PDS5A: variants seen among roughly 807,000 people sequenced by gnomAD.
PDS5A encodes sister chromatid cohesion protein PDS5 homolog A.
PDS5A carries 42 observed loss-of-function variants against 167.1 expected under a neutral mutation model. The ratio of observed to expected loss-of-function variants is 0.25; its 90% CI spans 0.20 to 0.33. The LOEUF is 0.33. Ranked by LOEUF, PDS5A falls within the 10% of genes least tolerant of loss-of-function variation. PDS5A has a pLI of 1.00. For synonymous variants in PDS5A, 553 were observed against 554.6 expected, an observed-to-expected ratio of 1.00 and a Z score of 0.04; for missense variants, 1,033 against 1,605.9, an observed-to-expected ratio of 0.64 and a Z score of 6.10.
intron 9 of PDS5A, among the ~76,000 whole-genome samples, chr4:39,912,404 A>C (rs1204128337): frequency 6.6e-6 from 1 of 152,218 alleles, no homozygotes; most frequent in Non-Finnish European, 1.5e-5. Context: ...CCTCCCCCAT[A>C]ACTTTGAAAG....
chr4:39,943,154 ACACACACACACACACG>A (rs1417934053), intron 2 of PDS5A, among the ~76,000 whole-genome samples: 8 of 137,540 alleles, frequency 5.8e-5, no homozygotes, highest in East Asian at 2.3e-4. Flanking sequence ...ACACACACAC[ACACACACACACACACG>A]CACGCACACA....
At chr4:39,868,158 A>C (rs1168376966) in intron 22 of PDS5A, among the ~76,000 whole-genome samples, 1 of 152,128 alleles carries the variant, frequency 6.6e-6, no homozygotes, top group Non-Finnish European at 1.5e-5. Context: ...ACATCTATTA[A>C]ATGTCACAAA....
chr4:39,869,300 ATC>A (rs931947236), intron 22 of PDS5A, 92 bp downstream of exon 22: 3 of 805,834 alleles, frequency 3.7e-6, no homozygotes, highest in East Asian at 2.4e-5. Context: ...GCAAGATCCC[ATC>A]TCTGTTTATT....
At chr4:39,908,729 A>C in intron 10 of PDS5A, 189 bp from the exon 11 acceptor site, 1 of 558,938 alleles carries the variant, frequency 1.8e-6, no homozygotes, top group Non-Finnish European at 3.1e-6. Context: ...ACTGCACTTT[A>C]AACTCCCAAG....
intron 26 of PDS5A, among the ~76,000 whole-genome samples, chr4:39,858,122 T>C (rs1392606892): frequency 6.6e-6 from 1 of 152,178 alleles, no homozygotes; most frequent in Non-Finnish European, 1.5e-5. Context: ...CCTGTGCTAA[T>C]AGATTAGAAG....
At position 39,904,120 on chromosome 4, in the gene PDS5A, T is replaced by C. The variant is rs1267911416; in HGVS notation, c.1305A>G (p.Ala435=). ...LYKKYCLHGE[A]GKEAAEKVSW... The stretch of plus-strand genomic sequence containing the variant: ...TGACTTTCTCTGCAGCTTCCTTTCC[T>C]GCTTCACCATGAAGACAGTATTTCT... The change falls in exon 12 of 33, where the codon GCA becomes GCG. Residue 435 remains alanine, a synonymous_variant. Coordinates refer to ENST00000303538, the MANE Select transcript of PDS5A (RefSeq NM_001100399.2). The C allele has an allele frequency of 1.2e-6, 2 of 1,611,874 alleles. No individual in the cohort carries two copies. Among genetic ancestry groups the C allele is most frequent in the South Asian group, 2.2e-5 (2 of 90,856 alleles).
chr4:39,855,343 A>G (rs4975041), intron 26 of PDS5A, among the ~76,000 whole-genome samples: 14,817 of 152,300 alleles, frequency 0.097, 883 homozygotes, highest in East Asian at 0.22. Flanking sequence ...ACTGCGCCCT[A>G]CAAGAACCAA....
rs566199247 is a variant in PDS5A at position 39,926,659 on chromosome 4, A to G, written c.429+116T>C. The G allele has an allele frequency of 1.2e-4, 86 of 710,448 alleles. No individual in the cohort carries two copies. The African/African-American group carries it at 1.5e-3, about 13-fold the overall frequency. 44.0% of individuals were successfully genotyped at this position (710,448 alleles called of 1,614,324 possible). A position where few individuals can be genotyped will look rare whatever the true frequency, so the allele number is the denominator to read the frequency against. The stretch of plus-strand genomic sequence containing the variant: ...ATTTTCCTTATGAAATGTAAAAGAC[A>G]TTTTATTATAGGCTTTGAATAAAAT... On this transcript the variant is annotated intron_variant, in intron 4 of 32. Coordinates refer to ENST00000303538, the MANE Select transcript of PDS5A (RefSeq NM_001100399.2).
intron 16 of PDS5A, among the ~76,000 whole-genome samples, chr4:39,892,383 T>C (rs1173837810): frequency 6.6e-6 from 1 of 152,216 alleles, no homozygotes; most frequent in African/African-American, 2.4e-5. Context: ...GCAAAGACGC[T>C]ATCTTCTTCC....
At chr4:39,910,057 C>T (rs1229371408) in intron 10 of PDS5A, 187 bp downstream of exon 10, 1 of 445,490 alleles carries the variant, frequency 2.2e-6, no homozygotes, top group Non-Finnish European at 4.0e-6. Flanking sequence ...AACAAACAAA[C>T]AAATAAAGAG....
intron 2 of PDS5A, among the ~76,000 whole-genome samples, chr4:39,968,904 T>C (rs1279904794): frequency 6.6e-6 from 1 of 151,680 alleles, no homozygotes; most frequent in East Asian, 1.9e-4. Flanking sequence ...GCCTCCTGAG[T>C]AGCTGGGATT....
chr4:39,865,639 C>G (rs1404051448), intron 23 of PDS5A, among the ~76,000 whole-genome samples: 61 of 152,244 alleles, frequency 4.0e-4, no homozygotes. Flanking sequence ...GATTTTCATG[C>G]CTTAGCCTCC....
intron 2 of PDS5A, among the ~76,000 whole-genome samples, chr4:39,975,685 G>A (rs1178395203): frequency 6.6e-6 from 1 of 152,132 alleles, no homozygotes; most frequent in Non-Finnish European, 1.5e-5. Context: ...AATGTCTCCA[G>A]CATTGCCAAA....
chr4:39,926,054 CAT>C (rs1280113686), intron 4 of PDS5A, 121 bp from the exon 5 acceptor site: 22 of 325,144 alleles, frequency 6.8e-5, no homozygotes, highest in African/African-American at 4.3e-4. Context: ...AAAGACTCAA[CAT>C]ATAAAATTTT....
chr4:39,976,121 T>A (rs750519079), intron 2 of PDS5A: 16 of 177,754 alleles, frequency 9.0e-5, no homozygotes, highest in Non-Finnish European at 1.9e-4. Flanking sequence ...CTTAGGCAAA[T>A]TACTGCCTAC....
intron 26 of PDS5A, among the ~76,000 whole-genome samples, chr4:39,860,056 A>T (rs1718853255): frequency 6.6e-6 from 1 of 152,190 alleles, no homozygotes; most frequent in South Asian, 2.1e-4. Context: ...CAACATAACA[A>T]GATCGCATCT....
intron 7 of PDS5A, among the ~76,000 whole-genome samples, chr4:39,919,009 G>A (rs947699539): frequency 1.3e-5 from 2 of 152,158 alleles, no homozygotes; most frequent in Non-Finnish European, 2.9e-5. Flanking sequence ...AAAACCTAAT[G>A]GGGATGGTTA....
At chr4:39,877,739 TGA>T (rs934965135) in intron 18 of PDS5A, among the ~76,000 whole-genome samples, 5 of 152,046 alleles carry the variant, frequency 3.3e-5, no homozygotes, top group Non-Finnish European at 7.4e-5. Flanking sequence ...TCTCCTGAGC[TGA>T]GACTACAGGT....
At chr4:39,832,470 G>A (rs1172077842) in intron 32 of PDS5A, among the ~76,000 whole-genome samples, 1 of 151,950 alleles carries the variant, frequency 6.6e-6, no homozygotes, top group Non-Finnish European at 1.5e-5. Context: ...GCCTCCCAAA[G>A]TGCTGAGATT....
Sources: allele counts gnomAD v4.1 joint callset (sites outside exome capture counted in the v4.1 genomes callset), GRCh38; gene constraint gnomAD v4.1.1; transcripts MANE v1.5; gene names NCBI Gene and HGNC (gene_info 2026-07-23, HGNC 2026-07-21).